Variants in QKI observed in about 807,000 individuals in gnomAD.
QKI encodes the protein QKI, KH domain containing RNA binding.
In QKI, 10 loss-of-function variants were observed where a neutral mutation model predicts 39.0. That is an observed-to-expected ratio of 0.26 (90% CI 0.16 to 0.43). The LOEUF is 0.43. Ranked by LOEUF, QKI falls within the 20% of genes least tolerant of loss-of-function variation. The pLI, the probability that QKI is intolerant of heterozygous loss-of-function variation, is 1.00. For synonymous variants in QKI, 204 were observed against 155.4 expected (o/e 1.31, Z -2.33); for missense variants, 218 against 428.0 (o/e 0.51, Z 4.33).
chr6:163,558,947 C>T (rs1782820518), intron 4 of QKI, among the ~76,000 whole-genome samples: 1 of 152,202 alleles, frequency 6.6e-6, no homozygotes, highest in Non-Finnish European at 1.5e-5. Context: ...ACCAGGATCT[C>T]CTCCTATGCC....
At chr6:163,482,406 C>CACCATCTGAATGTCCTCT (rs1793141472) in intron 3 of QKI, among the ~76,000 whole-genome samples, 1 of 152,120 alleles carries the variant, frequency 6.6e-6, no homozygotes, top group Non-Finnish European at 1.5e-5. Context: ...CTCCAGAAAA[C>CACCATCTGAATGTCCTCT]ACCATCTGAA....
At chr6:163,457,198 A>G (rs896492402) in intron 2 of QKI, among the ~76,000 whole-genome samples, 3 of 152,224 alleles carry the variant, frequency 2.0e-5, no homozygotes, top group African/African-American at 4.8e-5. Flanking sequence ...ATGTAAGACC[A>G]CAAGACCTTG....
At chr6:163,570,050 G>C in intron 7 of QKI, 5 of 986,220 alleles carry the variant, frequency 5.1e-6, no homozygotes, top group Non-Finnish European at 4.8e-6. Flanking sequence ...CTAGACTACA[G>C]TTTAGTATCG....
intron 2 of QKI, among the ~76,000 whole-genome samples, chr6:163,463,098 A>C (rs1430160495): frequency 6.6e-6 from 1 of 152,224 alleles, no homozygotes; most frequent in East Asian, 1.9e-4. Context: ...AACTGGACTA[A>C]TTCTGAAAGT....
intron 4 of QKI, among the ~76,000 whole-genome samples, chr6:163,560,417 A>G (rs1782921191): frequency 6.6e-6 from 1 of 152,206 alleles, no homozygotes; most frequent in African/African-American, 2.4e-5. Flanking sequence ...TGTATTGACC[A>G]CATTAAGTGA....
chr6:163,446,721 A>T (rs1457797112), intron 1 of QKI, among the ~76,000 whole-genome samples: 8 of 152,220 alleles, frequency 5.3e-5, no homozygotes, highest in Admixed American at 5.2e-4. Flanking sequence ...GTTGAAACAA[A>T]AGTCAGTTTA....
At chr6:163,481,747 A>G (rs1210752495) in intron 3 of QKI, among the ~76,000 whole-genome samples, 1 of 152,198 alleles carries the variant, frequency 6.6e-6, no homozygotes, top group African/African-American at 2.4e-5. Flanking sequence ...TACCCAGTGG[A>G]ATGGTACTAG....
At chr6:163,434,113 G>C (rs1789057420) in intron 1 of QKI, among the ~76,000 whole-genome samples, 1 of 151,954 alleles carries the variant, frequency 6.6e-6, no homozygotes, top group South Asian at 2.1e-4. Flanking sequence ...GTGCTGGGGG[G>C]ATACAAAGAT....
In QKI at chr6:163,452,875, C is replaced by A. The variant is rs184150882; in HGVS notation, c.143-2404C>A. Among the ~76,000 whole-genome samples, 309 of 152,090 alleles carry A rather than the reference C, an allele frequency of 2.0e-3. 3 individuals carry two copies. Among genetic ancestry groups the A allele is most frequent in the Admixed American group, 0.016 (241 of 15,278 alleles). On this transcript the variant is annotated intron_variant, in intron 1 of 7. Transcript: ENST00000361752. Reference sequence around the variant, plus strand: ...CCTGAGTAGCTGGGATTACAGGCGTCTGCCACCATGCCCAGCTAATTTTTG... The same window carrying A: ...CCTGAGTAGCTGGGATTACAGGCGTATGCCACCATGCCCAGCTAATTTTTG...
At chr6:163,530,051 T>A (rs923538537) in intron 3 of QKI, among the ~76,000 whole-genome samples, 1 of 152,184 alleles carries the variant, frequency 6.6e-6, no homozygotes, top group Non-Finnish European at 1.5e-5. Context: ...AAAACTGTGT[T>A]CTTCTATGTT....
Position 163,574,351 on chromosome 6 carries a change from C to T in QKI, c.*3641C>T, listed in dbSNP as rs1368046302. 6.6e-6 allele frequency: 1 copy of T among 152,106 alleles called. No homozygotes were observed. The highest frequency in any genetic ancestry group is 2.1e-4 in the South Asian group (1 of 4,826). The allele number at this position is 152,106 out of a possible 1,614,324, so 9.4% of individuals were successfully genotyped here. A position where few individuals can be genotyped will look rare whatever the true frequency, so the allele number is the denominator to read the frequency against. On this transcript the variant is annotated 3_prime_UTR_variant, in exon 8 of 8. Coordinates refer to ENST00000361752, the MANE Select transcript of QKI (RefSeq NM_006775.3). ...AACTTGACCTTTTTCCTTTGGAAAG[C>T]GTTGAACTTGTTTAGCTAACTACTC...
At chr6:163,417,995 G>T (rs1351320310) in intron 1 of QKI, among the ~76,000 whole-genome samples, 3 of 151,746 alleles carry the variant, frequency 2.0e-5, no homozygotes, top group Non-Finnish European at 2.9e-5. Flanking sequence ...TTTTCTGGAT[G>T]ATTTAATTGT....
intron 1 of QKI, among the ~76,000 whole-genome samples, chr6:163,445,224 A>G (rs1790056607): frequency 6.6e-6 from 1 of 151,994 alleles, no homozygotes; most frequent in Non-Finnish European, 1.5e-5. Context: ...GAAGCAGGAA[A>G]TGAGTATTGA....
At chr6:163,507,446 A>G (rs771282309) in intron 3 of QKI, among the ~76,000 whole-genome samples, 9 of 152,230 alleles carry the variant, frequency 5.9e-5, no homozygotes, top group Non-Finnish European at 1.2e-4. Flanking sequence ...CCTTGAAGGA[A>G]GGAAGTTAGT....
At chr6:163,532,287 T>C (rs1204487951) in intron 3 of QKI, among the ~76,000 whole-genome samples, 5 of 152,212 alleles carry the variant, frequency 3.3e-5, no homozygotes, top group African/African-American at 1.2e-4. Flanking sequence ...CACACACACA[T>C]AGAGCTTTTA....
chr6:163,563,827 A>G (rs1783184763), intron 6 of QKI, 108 bp downstream of exon 6: 3 of 1,498,762 alleles, frequency 2.0e-6, no homozygotes, highest in Non-Finnish European at 2.7e-6. Flanking sequence ...ACAAGTTTGC[A>G]TTAGGGAAGA....
chr6:163,441,460 T>C (rs1789755730), intron 1 of QKI, among the ~76,000 whole-genome samples: 1 of 152,142 alleles, frequency 6.6e-6, no homozygotes, highest in South Asian at 2.1e-4. Flanking sequence ...AGGTGTTTTT[T>C]CTCCAAGGAT....
chr6:163,565,103 G>T (rs1783271441), intron 6 of QKI: 1 of 1,021,136 alleles, frequency 9.8e-7, no homozygotes, highest in African/African-American at 1.7e-5. Flanking sequence ...TTAAATCATT[G>T]TATAAAGTAA....
intron 3 of QKI, among the ~76,000 whole-genome samples, chr6:163,486,094 G>A (rs1230996741): frequency 4.6e-5 from 7 of 152,194 alleles, no homozygotes; most frequent in Non-Finnish European, 1.0e-4. Flanking sequence ...GCTGCATCAT[G>A]TTCAGACCAT....
Sources: allele counts gnomAD v4.1 joint callset (sites outside exome capture counted in the v4.1 genomes callset), GRCh38; gene constraint gnomAD v4.1.1; transcripts MANE v1.5; gene names NCBI Gene and HGNC (gene_info 2026-07-23, HGNC 2026-07-21).